Variants in PDE6A observed in about 807,000 individuals in gnomAD.
PDE6A encodes phosphodiesterase 6A, also known as rod cGMP-specific 3',5'-cyclic phosphodiesterase subunit alpha.
In PDE6A, 84 loss-of-function variants were observed where a neutral mutation model predicts 106.3. That is an observed-to-expected ratio of 0.79 (90% CI 0.66 to 0.95). The LOEUF is 0.95. PDE6A is among the 40% of genes least tolerant of loss of function. PDE6A has a pLI of 0.00. For synonymous variants in PDE6A, 394 were observed against 386.6 expected (o/e 1.02, Z -0.23); for missense variants, 1,052 against 1,084.9 (o/e 0.97, Z 0.43).
At chr5:149,930,888 A>G in intron 4 of PDE6A, 140 bp downstream of exon 4, 1 of 815,436 alleles carries the variant, frequency 1.2e-6, no homozygotes, top group Non-Finnish European at 2.1e-6. Context: ...CTCAGTAGAG[A>G]CCTATGTAAG....
At chr5:149,886,171 A>G (rs1170025535) in intron 14 of PDE6A, 94 bp downstream of exon 14, 6 of 928,052 alleles carry the variant, frequency 6.5e-6, no homozygotes, top group Middle Eastern at 2.1e-4. Flanking sequence ...GTGGACCACA[A>G]GACTTCCCTG....
chr5:149,930,011 C>T (rs1005137579), intron 4 of PDE6A, among the ~76,000 whole-genome samples: 4 of 152,166 alleles, frequency 2.6e-5, no homozygotes, highest in African/African-American at 9.7e-5. Flanking sequence ...ATCCTCCCAC[C>T]TCAACCTCCT....
intron 10 of PDE6A, among the ~76,000 whole-genome samples, chr5:149,898,012 C>T (rs559429545): frequency 6.6e-6 from 1 of 152,310 alleles, no homozygotes; most frequent in Non-Finnish European, 1.5e-5. Context: ...ACTCTGTCTC[C>T]AGTAGCAAGT....
chr5:149,934,476 G>C (rs1054710790), intron 2 of PDE6A, 90 bp downstream of exon 2: 26 of 1,297,466 alleles, frequency 2.0e-5, no homozygotes, highest in Non-Finnish European at 2.8e-5. Flanking sequence ...TGGGAAAACT[G>C]AGGCCAGGTC....
intron 5 of PDE6A, among the ~76,000 whole-genome samples, chr5:149,919,367 C>T (rs1308225765): frequency 6.6e-6 from 1 of 152,098 alleles, no homozygotes; most frequent in Non-Finnish European, 1.5e-5. Flanking sequence ...ATTAGCCAGA[C>T]ATAATGGTGG....
Position 149,863,173 on chromosome 5 carries a change from C to T in PDE6A, c.2452G>A (p.Ala818Thr). Residue 818 changes from alanine to threonine, a missense_variant, in exon 21 of 22, where the codon GCC (alanine) becomes ACC (threonine). Around this residue, in one of 3 missense-constraint regions of PDE6A, gnomAD observed 135 missense variants for 153.2 expected, o/e 0.88. Coordinates refer to ENST00000255266, the MANE Select transcript of PDE6A (RefSeq NM_000440.3). The surrounding 1 kb of genome is among the most constrained non-coding windows in gnomAD (Gnocchi z 4.7). ...EWKALADEYD[A>T]KMKVQEEKKQ... ...TTCTCCTCCTGCACCTTCATCTTGG[C>T]ATCGTACTCATCAGCAAGCGCCTTC... is the stretch of plus-strand genomic sequence containing the variant. 1.9e-6 allele frequency: 3 copies of T among 1,614,190 alleles called. No homozygotes were observed. Among genetic ancestry groups the T allele is most frequent in the South Asian group, 2.2e-5 (2 of 91,084 alleles).
intron 4 of PDE6A, among the ~76,000 whole-genome samples, chr5:149,924,421 A>G (rs955058760): frequency 1.3e-5 from 2 of 149,984 alleles, no homozygotes; most frequent in African/African-American, 4.9e-5. Context: ...AGATATATAT[A>G]TATTTAGTTA....
intron 19 of PDE6A, 82 bp downstream of exon 19, chr5:149,867,643 C>T (rs1305518285): frequency 4.1e-6 from 5 of 1,211,168 alleles, no homozygotes; most frequent in South Asian, 2.5e-5. Context: ...AGTCACACAT[C>T]TCTCCATCAT....
intron 5 of PDE6A, among the ~76,000 whole-genome samples, chr5:149,918,981 A>G (rs918382161): frequency 1.3e-5 from 2 of 152,174 alleles, no homozygotes; most frequent in African/African-American, 4.8e-5. Context: ...AAGCAGTTCT[A>G]GAAAGCAAAG....
chr5:149,928,231 A>ATATATATATATATATATATATATTTTT, intron 4 of PDE6A, among the ~76,000 whole-genome samples: 1 of 19,746 alleles, frequency 5.1e-5, no homozygotes, highest in African/African-American at 4.8e-4. Context: ...ATATATATAT[A>ATATATATATATATATATATATATTTTT]TTTTTTTTTT....
intron 4 of PDE6A, among the ~76,000 whole-genome samples, chr5:149,929,637 TAAATA>T (rs1554092086): frequency 6.6e-6 from 1 of 151,278 alleles, no homozygotes; most frequent in Non-Finnish European, 1.5e-5. Flanking sequence ...AATAAATAAA[TAAATA>T]AAAGAAGCCA....
chr5:149,908,001 C>T (rs1024742718), intron 6 of PDE6A, among the ~76,000 whole-genome samples: 3 of 152,228 alleles, frequency 2.0e-5, no homozygotes, highest in Non-Finnish European at 4.4e-5. Context: ...CCAAAGGTAA[C>T]CATTATTCTG....
At chr5:149,889,562 C>A (rs1166958743) in intron 13 of PDE6A, among the ~76,000 whole-genome samples, 2 of 152,094 alleles carry the variant, frequency 1.3e-5, no homozygotes. Flanking sequence ...CCCATCTCAG[C>A]CTCCTGAGTA....
In PDE6A at chr5:149,883,437, T is replaced by C. The variant is rs1206713839; in HGVS notation, c.2127A>G (p.Glu709=). ...ACCCCATCCCAACTCACATAACGATTTCCTTCCGTGTCTGCTCCAGCATCA... is the reference window on the plus strand; with the variant it reads ...ACCCCATCCCAACTCACATAACGATCTCCTTCCGTGTCTGCTCCAGCATCA... The part of the protein sequence containing the change: ...QYMMLEQTRK[E]IVMAMMMTAC... The change falls in exon 17 of 22, where the codon GAA becomes GAG. Residue 709 remains glutamate (E), a synonymous_variant. Coordinates refer to ENST00000255266, the MANE Select transcript of PDE6A (RefSeq NM_000440.3). 2 of 1,610,598 alleles carry C rather than the reference T, an allele frequency of 1.2e-6. No individual in the cohort carries two copies. The highest frequency in any genetic ancestry group is 1.7e-6 in the Non-Finnish European group (2 of 1,176,902).
At chr5:149,941,062 A>G (rs559450099) in intron 1 of PDE6A, among the ~76,000 whole-genome samples, 1 of 152,340 alleles carries the variant, frequency 6.6e-6, no homozygotes, top group East Asian at 1.9e-4. Context: ...GTAGGAGTGA[A>G]TAAGACCCGC....
rs888238278 is a variant in PDE6A, at chr5:149,911,208, T to G, written c.998+3735A>C. ...AAGCCAGTTTCAATTGGCATGATGATGAAGTTTCCTCTGCTTTAGTCCTTA... is the reference window on the plus strand; with the variant it reads ...AAGCCAGTTTCAATTGGCATGATGAGGAAGTTTCCTCTGCTTTAGTCCTTA... On this transcript the variant is annotated intron_variant, in intron 6 of 21. Coordinates refer to ENST00000255266, the MANE Select transcript of PDE6A (RefSeq NM_000440.3). 5.9e-5 allele frequency among the ~76,000 whole-genome samples: 9 copies of G among 152,302 alleles called. 1 individual carries two copies. Among genetic ancestry groups the G allele is most frequent in the Admixed American group, 5.9e-4 (9 of 15,282 alleles).
intron 1 of PDE6A, among the ~76,000 whole-genome samples, chr5:149,936,741 C>G (rs1412422613): frequency 6.6e-6 from 1 of 152,168 alleles, no homozygotes; most frequent in Non-Finnish European, 1.5e-5. Flanking sequence ...CAGAAGGAGA[C>G]TTAGAAGCCA....
chr5:149,894,446 C>A (rs945810050), intron 13 of PDE6A, among the ~76,000 whole-genome samples: 4 of 152,040 alleles, frequency 2.6e-5, no homozygotes, highest in Non-Finnish European at 4.4e-5. Context: ...TTTTCTATTT[C>A]AAGGTTTTCT....
intron 17 of PDE6A, among the ~76,000 whole-genome samples, chr5:149,878,396 C>T (rs1760816608): frequency 1.3e-5 from 2 of 151,796 alleles, no homozygotes; most frequent in African/African-American, 2.4e-5. Context: ...AAAGTGTTAT[C>T]GTTTATTTAA....
Sources: allele counts gnomAD v4.1 joint callset (sites outside exome capture counted in the v4.1 genomes callset), GRCh38; gene constraint gnomAD v4.1.1; regional missense constraint gnomAD v4.1.1; non-coding constraint Gnocchi (gnomAD v3.1); transcripts MANE v1.5; gene names NCBI Gene and HGNC (gene_info 2026-07-23, HGNC 2026-07-21).